WWC2: variants seen among roughly 807,000 people sequenced by gnomAD.
The protein encoded by WWC2 is protein WWC2.
A neutral mutation model predicts 138.5 loss-of-function variants in WWC2; 101 were observed. That is an observed-to-expected ratio of 0.73 (90% confidence interval 0.62 to 0.86). WWC2 has a LOEUF of 0.86. Ranked by LOEUF, WWC2 falls within the 40% of genes least tolerant of loss-of-function variation. The probability of loss-of-function intolerance (pLI) is 0.00; values close to 1 mark genes in which losing one functional copy is unlikely to be tolerated. For synonymous variants in WWC2, 558 were observed against 538.4 expected, an observed-to-expected ratio of 1.04 and a Z score of -0.50; for missense variants, 1,420 against 1,419.4, an observed-to-expected ratio of 1.00 and a Z score of -0.01.
chr4:183,153,509 ATAGT>A (rs1258613703), intron 1 of WWC2, among the ~76,000 whole-genome samples: 3 of 152,214 alleles, frequency 2.0e-5, no homozygotes, highest in South Asian at 2.1e-4. Flanking sequence ...TGTAACTAAA[ATAGT>A]TAAACATTTA....
At chr4:183,228,231 C>T (rs184597712) in intron 4 of WWC2, among the ~76,000 whole-genome samples, 9 of 151,920 alleles carry the variant, frequency 5.9e-5, no homozygotes, top group East Asian at 3.9e-4. Flanking sequence ...AATGCTTTAC[C>T]GAAGAAAAAG....
At chr4:183,239,112 C>T (rs1334258678) in intron 4 of WWC2, among the ~76,000 whole-genome samples, 4 of 152,026 alleles carry the variant, frequency 2.6e-5, no homozygotes, top group South Asian at 2.1e-4. Flanking sequence ...CCCTGGAGTT[C>T]GAGACCAGCC....
intron 1 of WWC2, among the ~76,000 whole-genome samples, chr4:183,186,592 GA>G (rs75288157): frequency 0.14 from 20,688 of 152,060 alleles, 1,733 homozygotes; most frequent in South Asian, 0.24. Context: ...AACCATATGA[GA>G]AGAGATAAAT....
chr4:183,241,468 G>A (rs1040067404), intron 5 of WWC2, among the ~76,000 whole-genome samples: 2 of 152,172 alleles, frequency 1.3e-5, no homozygotes, highest in African/African-American at 4.8e-5. Flanking sequence ...TTTCACACGT[G>A]CTGTTATCAT....
chr4:183,212,534 T>C (rs1735627635), intron 4 of WWC2, among the ~76,000 whole-genome samples: 1 of 152,216 alleles, frequency 6.6e-6, no homozygotes, highest in Non-Finnish European at 1.5e-5. Flanking sequence ...ACTCCAATAC[T>C]CGAGCTGTGC....
intron 16 of WWC2, among the ~76,000 whole-genome samples, chr4:183,272,451 G>A (rs1030962304): frequency 6.6e-6 from 1 of 152,192 alleles, no homozygotes; most frequent in Middle Eastern, 3.2e-3. Flanking sequence ...CCCATTTAAA[G>A]TGTGACAGTT....
intron 22 of WWC2, among the ~76,000 whole-genome samples, 187 bp from the exon 23 acceptor site, chr4:183,315,476 T>G (rs1172452920): frequency 1.3e-5 from 2 of 151,778 alleles, no homozygotes; most frequent in Non-Finnish European, 2.9e-5. Flanking sequence ...GCTGTTCTCC[T>G]TGATACCCCC....
chr4:183,258,099 G>T (rs905556252), intron 9 of WWC2, among the ~76,000 whole-genome samples: 3 of 152,198 alleles, frequency 2.0e-5, no homozygotes, highest in African/African-American at 7.2e-5. Flanking sequence ...TTAGAAAAAG[G>T]CTTCATTTTA....
At chr4:183,288,435 C>T (rs142642574) in intron 20 of WWC2, among the ~76,000 whole-genome samples, 5 of 152,296 alleles carry the variant, frequency 3.3e-5, no homozygotes, top group African/African-American at 1.2e-4. Flanking sequence ...GAAATACCTC[C>T]GTGTTCCCCT....
intron 11 of WWC2, among the ~76,000 whole-genome samples, chr4:183,262,269 A>C (rs1489147133): frequency 6.6e-6 from 1 of 152,212 alleles, no homozygotes; most frequent in East Asian, 1.9e-4. Context: ...GCAGATGATC[A>C]CTGTTGGTCT....
intron 16 of WWC2, among the ~76,000 whole-genome samples, chr4:183,273,815 C>G (rs1478974141): frequency 6.6e-6 from 1 of 152,164 alleles, no homozygotes; most frequent in African/African-American, 2.4e-5. Flanking sequence ...GGTATCATAG[C>G]TAAGACTGCT....
At position 183,099,333 on chromosome 4, in the gene WWC2, C is replaced by A; in HGVS notation, c.-159C>A. The stretch of plus-strand genomic sequence containing the variant: ...GCCGCGAACAGCGTTTCCTGAGGCA[C>A]CTCCCGCGCGTGGTTCCGCCGCGCC... On this transcript the variant is annotated 5_prime_UTR_variant, in exon 1 of 23. Transcript: ENST00000403733. 1 of 647,286 alleles carries A rather than the reference C, an allele frequency of 1.5e-6. No individual in the cohort carries two copies. Among genetic ancestry groups the A allele is most frequent in the Non-Finnish European group, 2.1e-6 (1 of 485,916 alleles). The allele number at this position is 647,286 out of a possible 1,614,324, so 40.1% of individuals were successfully genotyped here. A position where few individuals can be genotyped will look rare whatever the true frequency, so the allele number is the denominator to read the frequency against.
In WWC2 at chr4:183,213,789, C is replaced by T. The variant is rs959316218; in HGVS notation, c.522+4764C>T. 6.6e-5 allele frequency among the ~76,000 whole-genome samples: 10 copies of T among 152,088 alleles called. 1 individual carries two copies. The highest frequency in any genetic ancestry group is 4.2e-4 in the South Asian group (2 of 4,810). On this transcript the variant is annotated intron_variant, in intron 4 of 22. Coordinates refer to ENST00000403733, the MANE Select transcript of WWC2 (RefSeq NM_024949.6). ...AATTGCTTGAGAAAATCTCAATAGCCATTTTTTAAGGAAGAAGAATATAAA... is the reference window on the plus strand; with the variant it reads ...AATTGCTTGAGAAAATCTCAATAGCTATTTTTTAAGGAAGAAGAATATAAA...
chr4:183,273,057 A>G (rs1253407959), intron 16 of WWC2, among the ~76,000 whole-genome samples: 1 of 152,096 alleles, frequency 6.6e-6, no homozygotes, highest in South Asian at 2.1e-4. Context: ...ACCATTTTGC[A>G]TTCCCATCAG....
Position 183,172,206 on chromosome 4 carries a change from A to G in WWC2, c.132-21393A>G, listed in dbSNP as rs148069079. The stretch of plus-strand genomic sequence containing the variant: ...CTTAATTTCAAGTTTGTCCTGGTTA[A>G]TCATTGTAACTGCTGCACACTGTCA... On this transcript the variant is annotated intron_variant, in intron 1 of 22. Transcript: ENST00000403733. Among the ~76,000 whole-genome samples the G allele has an allele frequency of 5.3e-5, 8 of 152,244 alleles. No individual in the cohort carries two copies. In the East Asian group the frequency reaches 9.6e-4, roughly 18 times the overall value.
intron 9 of WWC2, among the ~76,000 whole-genome samples, chr4:183,256,258 A>G (rs1248089780): frequency 3.3e-5 from 5 of 152,212 alleles, no homozygotes; most frequent in Non-Finnish European, 5.9e-5. Context: ...TTCTTGCTTG[A>G]TCAGCTTAAA....
At position 183,263,865 on chromosome 4, in the gene WWC2, T is replaced by A. The variant is rs191609408; in HGVS notation, c.1910-1113T>A. On this transcript the variant is annotated intron_variant, in intron 11 of 22. Transcript: ENST00000403733. Reference sequence around the variant, plus strand: ...CTCCCTATCAGGGACGTTTGTCATCTCCCTCAGTGCTCTAGAGGCTTAGGC... The same window carrying A: ...CTCCCTATCAGGGACGTTTGTCATCACCCTCAGTGCTCTAGAGGCTTAGGC... Among the ~76,000 whole-genome samples, 12 of 152,312 alleles carry A rather than the reference T, an allele frequency of 7.9e-5. No homozygotes were observed. In the East Asian group the frequency reaches 2.3e-3, roughly 29 times the overall value.
intron 1 of WWC2, among the ~76,000 whole-genome samples, chr4:183,140,022 A>T (rs1447756851): frequency 1.3e-5 from 2 of 152,114 alleles, no homozygotes. Context: ...ATGTTGGCCA[A>T]GCTGGTCTCG....
At chr4:183,107,048 G>A (rs1743384379) in intron 1 of WWC2, among the ~76,000 whole-genome samples, 1 of 152,192 alleles carries the variant, frequency 6.6e-6, no homozygotes, top group African/African-American at 2.4e-5. Context: ...GGGTATGAGT[G>A]TGCAAATTCC....
Sources: allele counts gnomAD v4.1 joint callset (sites outside exome capture counted in the v4.1 genomes callset), GRCh38; gene constraint gnomAD v4.1.1; transcripts MANE v1.5; gene names NCBI Gene and HGNC (gene_info 2026-07-23, HGNC 2026-07-21).